Variants in ADAMTS9 observed in about 807,000 individuals in gnomAD.
ADAMTS9 encodes A disintegrin and metalloproteinase with thrombospondin motifs 9.
In ADAMTS9, 107 loss-of-function variants were observed where a neutral mutation model predicts 257.1. The observed-to-expected ratio is 0.42, with a 90% CI of 0.36 to 0.49. ADAMTS9 has a LOEUF of 0.49. Among genes scored for constraint, ADAMTS9 ranks in the 20% least tolerant of loss-of-function variants. The pLI is 0.03. For synonymous variants in ADAMTS9, 982 were observed against 880.9 expected, an observed-to-expected ratio of 1.11 and a Z score of -2.03; for missense variants, 2,353 against 2,469.1, an observed-to-expected ratio of 0.95 and a Z score of 1.00.
intron 25 of ADAMTS9, among the ~76,000 whole-genome samples, chr3:64,602,484 T>C (rs543477919): frequency 6.6e-6 from 1 of 152,304 alleles, no homozygotes. Context: ...CTCATTTGAA[T>C]AATACCCAAA....
intron 16 of ADAMTS9, among the ~76,000 whole-genome samples, chr3:64,628,422 G>T (rs762471231): frequency 1.9e-4 from 29 of 152,110 alleles, no homozygotes; most frequent in Non-Finnish European, 3.7e-4. Flanking sequence ...TGGCCTTCAG[G>T]TCTCAGGAAA....
At chr3:64,538,660 C>A (rs770257819) in intron 37 of ADAMTS9, among the ~76,000 whole-genome samples, 2 of 152,130 alleles carry the variant, frequency 1.3e-5, no homozygotes, top group Non-Finnish European at 2.9e-5. Flanking sequence ...TATTCAGATT[C>A]ATAAAGGCTG....
chr3:64,637,227 C>T (rs966431357), intron 12 of ADAMTS9, among the ~76,000 whole-genome samples: 2 of 152,190 alleles, frequency 1.3e-5, no homozygotes, highest in Non-Finnish European at 2.9e-5. Context: ...CCAAACTCAT[C>T]TTTCAGCATG....
intron 22 of ADAMTS9, among the ~76,000 whole-genome samples, chr3:64,612,462 G>C (rs2084683252): frequency 6.6e-6 from 1 of 152,192 alleles, no homozygotes; most frequent in South Asian, 2.1e-4. Context: ...ATGAAATGGG[G>C]AAGATTCAGA....
At chr3:64,577,266 T>G (rs1012284884) in intron 28 of ADAMTS9, among the ~76,000 whole-genome samples, 2 of 152,130 alleles carry the variant, frequency 1.3e-5, no homozygotes, top group African/African-American at 4.8e-5. Flanking sequence ...GTGTTACCCC[T>G]CATGTGGGTA....
rs573225852 is a variant in ADAMTS9, at chr3:64,628,386, G to C, written c.2389+3069C>G. On this transcript the variant is annotated intron_variant, in intron 16 of 39. Coordinates refer to ENST00000498707, the MANE Select transcript of ADAMTS9 (RefSeq NM_182920.2). The stretch of plus-strand genomic sequence containing the variant: ...ATAGCAGAGAATCCTTCTCTCTTTC[G>C]AAGAGAAGAAAGGAGCAACTCAACA... Among the ~76,000 whole-genome samples the C allele has an allele frequency of 6.6e-5, 10 of 152,208 alleles. No homozygotes were observed. In the East Asian group the frequency reaches 1.5e-3, roughly 24 times the overall value.
intron 22 of ADAMTS9, among the ~76,000 whole-genome samples, chr3:64,609,420 C>A (rs549888004): frequency 6.6e-6 from 1 of 151,870 alleles, no homozygotes; most frequent in Non-Finnish European, 1.5e-5. Flanking sequence ...AGCTAATAAA[C>A]AAATTTAGCA....
intron 29 of ADAMTS9, among the ~76,000 whole-genome samples, chr3:64,564,900 A>T (rs2083504394): frequency 6.6e-6 from 1 of 152,256 alleles, no homozygotes; most frequent in South Asian, 2.1e-4. Flanking sequence ...AACTCAAGCA[A>T]AAACAAAACC....
Position 64,604,045 on chromosome 3 carries a change from G to A in ADAMTS9, c.3624C>T (p.Ser1208=). Residue 1208 remains serine, a synonymous_variant, in exon 25 of 40, where the codon AGC becomes AGT. Transcript: ENST00000498707. ...CGKGTRMRYV[S]CRDENGSVAD... ...CCACAGAGCCATTCTCATCTCGGCA[G>A]CTGACGTATCTCATCCGGGTACCTT... 3 of 1,614,120 alleles carry A rather than the reference G, an allele frequency of 1.9e-6. No homozygotes were observed. The highest frequency in any genetic ancestry group is 2.5e-6 in the Non-Finnish European group (3 of 1,180,008).
At chr3:64,605,753 G>T (rs2084546279) in intron 23 of ADAMTS9, among the ~76,000 whole-genome samples, 1 of 152,110 alleles carries the variant, frequency 6.6e-6, no homozygotes, top group South Asian at 2.1e-4. Flanking sequence ...ATGTGTGTGT[G>T]TTTATAGATA....
intron 16 of ADAMTS9, among the ~76,000 whole-genome samples, chr3:64,623,149 G>A (rs1421238079): frequency 1.3e-5 from 2 of 152,086 alleles, no homozygotes; most frequent in South Asian, 2.1e-4. Context: ...TGGCCCCAAC[G>A]AGCCTTGTGG....
chr3:64,633,882 G>GAAAA lies in ADAMTS9; in HGVS notation c.1857-7_1857-4dup, dbSNP rs1169735384. 1.9e-6 allele frequency: 3 copies of GAAAA among 1,603,482 alleles called. No individual in the cohort carries two copies. Among genetic ancestry groups the GAAAA allele is most frequent in the Middle Eastern group, 1.7e-4 (1 of 5,718 alleles). On this transcript the variant is annotated splice_region_variant and splice_polypyrimidine_tract_variant and intron_variant, in intron 12 of 39. Coordinates refer to ENST00000498707, the MANE Select transcript of ADAMTS9 (RefSeq NM_182920.2). Reference sequence around the variant, plus strand: ...AGTATTTTCCACCATTTTTTGGTCTGAAAAAGAAAAAATGTGAAGAGCACA... The same window carrying GAAAA: ...AGTATTTTCCACCATTTTTTGGTCTGAAAAAAAAAGAAAAAATGTGAAGAGCACA...
At chr3:64,636,155 G>A (rs148859200) in intron 12 of ADAMTS9, among the ~76,000 whole-genome samples, 16 of 151,948 alleles carry the variant, frequency 1.1e-4, no homozygotes, top group East Asian at 3.9e-4. Flanking sequence ...GCAGTTCTTC[G>A]GACTGCAAAT....
At chr3:64,525,882 C>T (rs1248264699) in intron 38 of ADAMTS9, among the ~76,000 whole-genome samples, 1 of 150,496 alleles carries the variant, frequency 6.6e-6, no homozygotes, top group South Asian at 2.1e-4. Context: ...AGCCACCGTG[C>T]CCAGCCAAGT....
intron 3 of ADAMTS9, among the ~76,000 whole-genome samples, chr3:64,675,213 T>C (rs1277398296): frequency 6.6e-6 from 1 of 152,140 alleles, no homozygotes; most frequent in Non-Finnish European, 1.5e-5. Flanking sequence ...AGTTTTCCAA[T>C]CTGCAAAATG....
chr3:64,681,452 G>T, intron 2 of ADAMTS9, 89 bp from the exon 3 acceptor site: 1 of 1,375,854 alleles, frequency 7.3e-7, no homozygotes, highest in Non-Finnish European at 9.8e-7. Flanking sequence ...AGTAGAGATG[G>T]TGTCATTTTA....
intron 3 of ADAMTS9, among the ~76,000 whole-genome samples, chr3:64,674,276 G>GA (rs61682044): frequency 0.026 from 4,025 of 152,028 alleles, 240 homozygotes; most frequent in Admixed American, 0.14. Flanking sequence ...ATAAAAAAGA[G>GA]AAAAAAATGT....
At chr3:64,657,749 A>T (rs1483550887) in intron 4 of ADAMTS9, among the ~76,000 whole-genome samples, 1 of 152,212 alleles carries the variant, frequency 6.6e-6, no homozygotes, top group African/African-American at 2.4e-5. Flanking sequence ...TTATGTTTCT[A>T]TTGGGCAGTG....
At chr3:64,593,803 G>A (rs551400401) in intron 28 of ADAMTS9, among the ~76,000 whole-genome samples, 9 of 152,266 alleles carry the variant, frequency 5.9e-5, no homozygotes, top group African/African-American at 1.7e-4. Context: ...AGCTGTACCC[G>A]AGTCACACAG....
Sources: gnomAD v4.1 joint callset for allele counts (sites outside exome capture counted in the v4.1 genomes callset) on GRCh38, gnomAD v4.1.1 for gene constraint, MANE v1.5 for transcripts, NCBI Gene and HGNC (gene_info 2026-07-23, HGNC 2026-07-21) for gene names.